The following TAX1BP1 variants were observed in gnomAD, a reference collection of about 807,000 sequenced individuals.
The protein encoded by TAX1BP1 is Tax1 binding protein 1.
Under a neutral mutation model 97.7 loss-of-function variants are expected in TAX1BP1, and 62 were observed. That is an observed-to-expected ratio of 0.63 (90% CI 0.52 to 0.78). TAX1BP1 has a LOEUF of 0.78. Among genes scored for constraint, TAX1BP1 ranks in the 30% least tolerant of loss-of-function variants. The pLI is 0.00. For missense variants in TAX1BP1, 867 were observed against 916.1 expected, an observed-to-expected ratio of 0.95 and a Z score of 0.69; for synonymous variants, 340 against 304.2, an observed-to-expected ratio of 1.12 and a Z score of -1.23.
intron 11 of TAX1BP1, 77 bp from the exon 12 acceptor site, chr7:27,796,035 GACCT>G: frequency 1.0e-6 from 1 of 1,003,236 alleles, no homozygotes; most frequent in Non-Finnish European, 1.5e-6. Context: ...ACAGTATACT[GACCT>G]TTAAGTTATT....
chr7:27,810,822 C>A (rs1016822002), intron 13 of TAX1BP1, among the ~76,000 whole-genome samples: 7 of 152,082 alleles, frequency 4.6e-5, no homozygotes, highest in Admixed American at 4.6e-4. Context: ...TTTTACCAAG[C>A]CTGAAATACG....
chr7:27,799,998 G>A lies in TAX1BP1; in HGVS notation c.1672G>A (p.Glu558Lys). The A allele has an allele frequency of 6.2e-7, 1 of 1,601,516 alleles. No individual in the cohort carries two copies. The change falls in exon 13 of 17, where the codon GAA becomes AAA. Residue 558 changes from glutamate (E) to lysine (K), a missense_variant. Glu to Lys is a moderately conservative substitution (Grantham distance 56). Transcript: ENST00000396319. Reference sequence around the variant, plus strand: ...AGCAAAATGCAATAAATATGCTGATGAACTTGCAAAAATGGAGCTGAAATG... The same window carrying A: ...AGCAAAATGCAATAAATATGCTGATAAACTTGCAAAAATGGAGCTGAAATG... ...EKAKCNKYAD[E>K]LAKMELKWKE...
At chr7:27,756,262 G>C (rs1451883050) in intron 2 of TAX1BP1, among the ~76,000 whole-genome samples, 1 of 152,104 alleles carries the variant, frequency 6.6e-6, no homozygotes, top group Non-Finnish European at 1.5e-5. Flanking sequence ...CCCATTCTCT[G>C]TATCTTTCCA....
At chr7:27,807,083 T>G (rs1335003076) in intron 13 of TAX1BP1, among the ~76,000 whole-genome samples, 5 of 152,204 alleles carry the variant, frequency 3.3e-5, no homozygotes, top group African/African-American at 1.2e-4. Context: ...TCTTGAACTT[T>G]TTGTAGTTTT....
In TAX1BP1 at chr7:27,787,623, A is replaced by G. The variant is rs377081073; in HGVS notation, c.1038+20A>G. The G allele has an allele frequency of 2.1e-4, 332 of 1,568,618 alleles. No individual in the cohort carries two copies. The African/African-American group carries it at 3.9e-3, about 19-fold the overall frequency. Reference sequence around the variant, plus strand: ...AGTAAAGTAAGTACTTTTGCTATATATATTTGAAGATTGTAAAACATACCT... The same window carrying G: ...AGTAAAGTAAGTACTTTTGCTATATGTATTTGAAGATTGTAAAACATACCT... On this transcript the variant is annotated intron_variant, in intron 8 of 16. Transcript: ENST00000396319.
rs1377708959 is a variant in TAX1BP1 at position 27,769,930 on chromosome 7, G to A, written c.612+96G>A. The A allele has an allele frequency of 5.7e-6, 7 of 1,234,936 alleles. No individual in the cohort carries two copies. The East Asian group carries it at 1.2e-4, about 21-fold the overall frequency. 76.5% of individuals were successfully genotyped at this position (1,234,936 alleles called of 1,614,324 possible). On this transcript the variant is annotated intron_variant, in intron 5 of 16. Transcript: ENST00000396319. Reference sequence around the variant, plus strand: ...GAACCAATTAAGTAAGTGAAAACCAGGTACTGAGAAAAGTAGCCTTTTAGA... The same window carrying A: ...GAACCAATTAAGTAAGTGAAAACCAAGTACTGAGAAAAGTAGCCTTTTAGA...
At chr7:27,814,048 G>A (rs1331780549) in intron 13 of TAX1BP1, among the ~76,000 whole-genome samples, 7 of 150,732 alleles carry the variant, frequency 4.6e-5, no homozygotes, top group East Asian at 2.0e-4. Context: ...CGCCCGCCTC[G>A]GCCTCCCAAA....
upstream of TAX1BP1, chr7:27,739,675 G>C (rs1394740414): frequency 6.6e-6 from 1 of 152,146 alleles, no homozygotes; most frequent in Non-Finnish European, 1.5e-5. Context: ...AGCCAAAAAA[G>C]CACACGACTG....
intron 15 of TAX1BP1, 103 bp downstream of exon 15, chr7:27,817,141 CGT>C (rs1790801652): frequency 6.7e-6 from 9 of 1,349,838 alleles, no homozygotes; most frequent in East Asian, 4.8e-5. Context: ...TGCGTGCATG[CGT>C]GTGTGTGGAA....
At chr7:27,770,698 G>GT (rs1180355334) in intron 5 of TAX1BP1, among the ~76,000 whole-genome samples, 1 of 152,066 alleles carries the variant, frequency 6.6e-6, no homozygotes, top group Non-Finnish European at 1.5e-5. Flanking sequence ...CAGTGGAGTG[G>GT]TTATATATTG....
At chr7:27,775,352 A>G (rs909404229) in intron 5 of TAX1BP1, among the ~76,000 whole-genome samples, 1 of 152,200 alleles carries the variant, frequency 6.6e-6, no homozygotes, top group Non-Finnish European at 1.5e-5. Context: ...CAGGACACAT[A>G]ATGGTATGGT....
intron 2 of TAX1BP1, among the ~76,000 whole-genome samples, chr7:27,752,829 A>G (rs1037731171): frequency 1.3e-5 from 2 of 152,272 alleles, no homozygotes; most frequent in Non-Finnish European, 2.9e-5. Context: ...TATCCATTAT[A>G]CGTTGGAGCT....
rs923873765 is a variant in TAX1BP1 at position 27,816,811 on chromosome 7, C to A, written c.1937-79C>A. The A allele has an allele frequency of 4.0e-6, 6 of 1,514,878 alleles. No individual in the cohort carries two copies. The African/African-American group carries it at 8.5e-5, about 21-fold the overall frequency. 93.8% of individuals were successfully genotyped at this position (1,514,878 alleles called of 1,614,324 possible). On this transcript the variant is annotated intron_variant, in intron 14 of 16. Transcript: ENST00000396319. ...CACATGCCAAAGTGGTTCTTTATAT[C>A]CTGTTCATCATATCTGTATATACAG...
chr7:27,765,629 A>G (rs952570544), intron 3 of TAX1BP1, among the ~76,000 whole-genome samples: 1 of 152,208 alleles, frequency 6.6e-6, no homozygotes, highest in Admixed American at 6.5e-5. Context: ...TGGGAATATA[A>G]GCTTAAACCT....
At chr7:27,739,973 G>A (rs942467699), upstream of TAX1BP1, 14 of 152,336 alleles carry the variant, frequency 9.2e-5, no homozygotes, top group Non-Finnish European at 1.6e-4. Flanking sequence ...CGATTAAGTT[G>A]AACGAAAATA....
At chr7:27,813,493 T>TA (rs1442170954) in intron 13 of TAX1BP1, among the ~76,000 whole-genome samples, 1 of 152,164 alleles carries the variant, frequency 6.6e-6, no homozygotes, top group African/African-American at 2.4e-5. Flanking sequence ...CAGTTGGGAC[T>TA]ATAGGCACAT....
At chr7:27,752,821 T>C (rs983419320) in intron 2 of TAX1BP1, among the ~76,000 whole-genome samples, 6 of 152,264 alleles carry the variant, frequency 3.9e-5, no homozygotes, top group South Asian at 2.1e-4. Context: ...TTCAAAGTTA[T>C]CCATTATACG....
At chr7:27,768,700 T>TA (rs958144696) in intron 4 of TAX1BP1, among the ~76,000 whole-genome samples, 2 of 151,982 alleles carry the variant, frequency 1.3e-5, no homozygotes, top group Admixed American at 6.6e-5. Flanking sequence ...AGATAAGATA[T>TA]AAAAAAATTC....
chr7:27,769,553 G>T, intron 4 of TAX1BP1, 123 bp from the exon 5 acceptor site: 7 of 733,370 alleles, frequency 9.5e-6, no homozygotes, highest in Non-Finnish European at 1.5e-5. Flanking sequence ...AAAGTAGGTA[G>T]AATGTAAGAG....
Sources: allele counts gnomAD v4.1 joint callset (sites outside exome capture counted in the v4.1 genomes callset), GRCh38; gene constraint gnomAD v4.1.1; transcripts MANE v1.5; gene names NCBI Gene and HGNC (gene_info 2026-07-23, HGNC 2026-07-21).